The following P3H1 variants were observed in gnomAD, a reference collection of about 807,000 sequenced individuals.
The protein encoded by P3H1 is prolyl 3-hydroxylase 1.
P3H1 carries 69 observed loss-of-function variants against 84.0 expected under a neutral mutation model. The ratio of observed to expected loss-of-function variants is 0.82; its 90% CI spans 0.68 to 1.00. P3H1 has a LOEUF of 1.00. Ranked by LOEUF, P3H1 falls within the 50% of genes least tolerant of loss-of-function variation. The probability of loss-of-function intolerance (pLI) is 0.00; values close to 1 mark genes in which losing one functional copy is unlikely to be tolerated. For missense variants in P3H1, 878 were observed against 962.8 expected, an observed-to-expected ratio of 0.91 and a Z score of 1.17; for synonymous variants, 366 against 388.8, an observed-to-expected ratio of 0.94 and a Z score of 0.69.
Position 42,753,926 on chromosome 1 carries a change from C to CA in P3H1, c.1345+942dup, listed in dbSNP as rs746934383. On this transcript the variant is annotated intron_variant, in intron 8 of 14. Coordinates refer to ENST00000296388, the MANE Select transcript of P3H1 (RefSeq NM_022356.4). Reference sequence around the variant, plus strand: ...GGGCAACAGAGCAAGACTCCATCTCCAAAAAAAAAAAAAAGAAAGGCTTTG... The same window carrying CA: ...GGGCAACAGAGCAAGACTCCATCTCCAAAAAAAAAAAAAAAGAAAGGCTTTG... Among the ~76,000 whole-genome samples, 314 of 124,350 alleles carry CA rather than the reference C, an allele frequency of 2.5e-3. 1 individual carries two copies. The highest frequency in any genetic ancestry group is 4.1e-3 in the Middle Eastern group (1 of 244). The allele number at this position is 124,350 out of a possible 152,430, so 81.6% of individuals were successfully genotyped here.
intron 10 of P3H1, among the ~76,000 whole-genome samples, chr1:42,750,847 G>A (rs562147061): frequency 6.1e-5 from 9 of 147,402 alleles, no homozygotes; most frequent in South Asian, 4.4e-4. Context: ...CCGGCCAGCC[G>A]CCCTATCCAG....
rs1557558416 is a variant in P3H1, at chr1:42,747,024, G to A, written c.2056-172C>T. On this transcript the variant is annotated intron_variant, in intron 14 of 14. Coordinates refer to ENST00000296388, the MANE Select transcript of P3H1 (RefSeq NM_022356.4). ...GACAGCTGAAGTGGGGCCCAAGGAGGGAACCAAGAACTCAGCATCGCTCCC... is the reference window on the plus strand; with the variant it reads ...GACAGCTGAAGTGGGGCCCAAGGAGAGAACCAAGAACTCAGCATCGCTCCC... The A allele has an allele frequency of 1.1e-5, 17 of 1,614,152 alleles. No individual in the cohort carries two copies. The Middle Eastern group carries it at 4.9e-4, about 47-fold the overall frequency.
chr1:42,762,509 C>A, intron 1 of P3H1, 34 bp from the exon 2 acceptor site: 1 of 1,610,908 alleles, frequency 6.2e-7, no homozygotes, highest in Non-Finnish European at 8.5e-7. Flanking sequence ...GGATAATGCT[C>A]ACATCCAATC....
At chr1:42,751,704 T>TGATTGTG in intron 10 of P3H1, 1 of 170,554 alleles carries the variant, frequency 5.9e-6, no homozygotes. Flanking sequence ...CTCTTTGCCT[T>TGATTGTG]CCACCATGAT....
rs1330695622 is a variant in P3H1 at position 42,750,652 on chromosome 1, G to T, written c.1570-316C>A. 4.6e-5 allele frequency among the ~76,000 whole-genome samples: 6 copies of T among 130,356 alleles called. 2 individuals carry two copies. Among genetic ancestry groups the T allele is most frequent in the East Asian group, 4.3e-4 (2 of 4,642 alleles). The allele number at this position is 130,356 out of a possible 152,430, so 85.5% of individuals were successfully genotyped here. ...GCCACCCCGTCCGGGAGGGAGGCCG[G>T]GGGGGGTGGTCGGCCAGCCGCCCCG... On this transcript the variant is annotated intron_variant, in intron 10 of 14. Coordinates refer to ENST00000296388, the MANE Select transcript of P3H1 (RefSeq NM_022356.4).
intron 2 of P3H1, chr1:42,760,277 C>G (rs2124147348): frequency 6.6e-6 from 1 of 152,284 alleles, no homozygotes; most frequent in African/African-American, 2.4e-5. Flanking sequence ...AGCCACCGTG[C>G]CTGGCCTAGG....
In P3H1 at chr1:42,754,235, G is replaced by A. The variant is rs1376637816; in HGVS notation, c.1345+634C>T. Among the ~76,000 whole-genome samples the A allele has an allele frequency of 6.6e-6, 1 of 152,172 alleles. No homozygotes were observed. The highest frequency in any genetic ancestry group is 2.4e-5 in the African/African-American group (1 of 41,442). ...GGGTGGGTGCAGATAGGAGGTGCCA[G>A]GGCCTGAAGGAAGCCTGAGGCAATG... On this transcript the variant is annotated intron_variant, in intron 8 of 14. Coordinates refer to ENST00000296388, the MANE Select transcript of P3H1 (RefSeq NM_022356.4). The surrounding 1 kb of genome is among the most constrained non-coding windows in gnomAD (Gnocchi z 4.0).
intron 1 of P3H1, among the ~76,000 whole-genome samples, chr1:42,764,476 A>T (rs1288143929): frequency 6.6e-6 from 1 of 151,840 alleles, no homozygotes; most frequent in Non-Finnish European, 1.5e-5. Flanking sequence ...CCAGCATCAC[A>T]TCTGGGCTTA....
chr1:42,750,488 C>T, intron 10 of P3H1, 152 bp from the exon 11 acceptor site: 1 of 841,372 alleles, frequency 1.2e-6, no homozygotes, highest in East Asian at 2.6e-5. Context: ...GTGGATCTTT[C>T]CCGTGCTGTT....
chr1:42,750,152 CG>C (rs1557562103), intron 11 of P3H1, 33 bp downstream of exon 11: 2 of 1,604,068 alleles, frequency 1.2e-6, no homozygotes. Flanking sequence ...GTACAGCATG[CG>C]GGGGCGGGTG....
At position 42,752,314 on chromosome 1, in the gene P3H1, T is replaced by C. The variant is rs149894086; in HGVS notation, c.1529A>G (p.Asn510Ser). 1.7e-4 allele frequency: 276 copies of C among 1,614,108 alleles called. 2 individuals carry two copies. The African/African-American group carries it at 3.2e-3, about 19-fold the overall frequency. The change falls in exon 10 of 15, where the codon AAT becomes AGT. Residue 510 changes from asparagine to serine, a missense_variant. By Grantham distance (46) the Asn-to-Ser change is conservative. Transcript: ENST00000296388. ...GACAGTGACACCATAGAACTTTTCA[T>C]TGGGAGTATGTGGGGAGGTCTGACC... is the stretch of plus-strand genomic sequence containing the variant. The part of the protein sequence containing the change: ...YRGQTSPHTP[N>S]EKFYGVTVFK...
chr1:42,755,176 T>C lies in P3H1; in HGVS notation c.1212A>G (p.Gln404=). Residue 404 remains glutamine, a synonymous_variant, in exon 7 of 15, where the codon CAA becomes CAG. Coordinates refer to ENST00000296388, the MANE Select transcript of P3H1 (RefSeq NM_022356.4). The part of the protein sequence containing the change: ...TPEEVIPKRL[Q]EKQKSERETA... ...TTCAAGGTCCTCACTTCTGTTTCTC[T>C]TGCAATCTCTTGGGAATCACTTCTT... 6.2e-7 allele frequency: 1 copy of C among 1,614,164 alleles called. No individual in the cohort carries two copies. Among genetic ancestry groups the C allele is most frequent in the Middle Eastern group, 1.6e-4 (1 of 6,062 alleles).
rs150951532 is a variant in P3H1, at chr1:42,754,875, G to A, written c.1339C>T (p.Arg447Trp). Residue 447 changes from arginine (R) to tryptophan (W), a missense_variant, in exon 8 of 15, where the codon CGG becomes TGG. Coordinates refer to ENST00000296388, the MANE Select transcript of P3H1 (RefSeq NM_022356.4). This position sits in a 1 kb window ranked among gnomAD's most constrained non-coding sequence, Gnocchi z 4.0. ...KESLDVSRLT[R>W]EGGPLLYEGI... Reference sequence around the variant, plus strand: ...CCTATTTCTGTCCTCTCACCTTCCCGGGTCAGTCTGCTCACATCCAGTGAC... The same window carrying A: ...CCTATTTCTGTCCTCTCACCTTCCCAGGTCAGTCTGCTCACATCCAGTGAC... 267 of 1,613,990 alleles carry A rather than the reference G, an allele frequency of 1.7e-4. No homozygotes were observed. The highest frequency in any genetic ancestry group is 3.3e-4 in the Admixed American group (20 of 59,998).
At chr1:42,749,913 T>G in intron 11 of P3H1, 3 of 483,350 alleles carry the variant, frequency 6.2e-6, no homozygotes, top group East Asian at 3.9e-5. Context: ...AGCTTCCCCA[T>G]TAAAGTGCGT....
Position 42,752,258 on chromosome 1 carries a change from C to T in P3H1, c.1569+16G>A, listed in dbSNP as rs1468948979. 6.3e-7 allele frequency: 1 copy of T among 1,595,926 alleles called. No homozygotes were observed. The highest frequency in any genetic ancestry group is 8.6e-7 in the Non-Finnish European group (1 of 1,163,602). On this transcript the variant is annotated intron_variant, in intron 10 of 14. Transcript: ENST00000296388. ...CCCCTTTCTCCACACTCTAGAATGC[C>T]CAGTGTTGATCTTACCTTGAGGGCT...
At chr1:42,749,300 G>C (rs1430616653) in intron 11 of P3H1, among the ~76,000 whole-genome samples, 9 of 152,210 alleles carry the variant, frequency 5.9e-5, no homozygotes, top group Non-Finnish European at 1.2e-4. Context: ...TTCTGAGGTA[G>C]AGGAAAGCCC....
chr1:42,749,835 G>A (rs998617294), intron 11 of P3H1: 7 of 259,142 alleles, frequency 2.7e-5, no homozygotes, highest in Admixed American at 9.6e-5. Flanking sequence ...AGATGGCAGC[G>A]AGGGAGCTGC....
chr1:42,746,797 T>A lies in P3H1; in HGVS notation c.2111A>T (p.Asp704Val). The change falls in exon 15 of 15, where the codon GAC (aspartate) becomes GTC (valine). Residue 704 changes from aspartate to valine, a missense_variant. Coordinates refer to ENST00000296388, the MANE Select transcript of P3H1 (RefSeq NM_022356.4). Reference protein sequence around the residue: ...VKMLFSPEEMDLSQEQPLDAQ... With the variant: ...VKMLFSPEEMVLSQEQPLDAQ... ...ATCCAGGGGCTGCTCCTGGGAGAGGTCCATCTCTTCTGGGCTGAAGAGCAT... is the reference window on the plus strand; with the variant it reads ...ATCCAGGGGCTGCTCCTGGGAGAGGACCATCTCTTCTGGGCTGAAGAGCAT... 6.3e-7 allele frequency: 1 copy of A among 1,586,984 alleles called. No homozygotes were observed. The highest frequency in any genetic ancestry group is 2.3e-5 in the East Asian group (1 of 43,406).
chr1:42,765,257 T>C (rs1652927799), intron 1 of P3H1, among the ~76,000 whole-genome samples: 1 of 152,234 alleles, frequency 6.6e-6, no homozygotes, highest in African/African-American at 2.4e-5. Flanking sequence ...AGGAGCCTTC[T>C]TTCCTCTCCC....
Sources: gnomAD v4.1 joint callset for allele counts (sites outside exome capture counted in the v4.1 genomes callset) on GRCh38, gnomAD v4.1.1 for gene constraint, Gnocchi (gnomAD v3.1) non-coding constraint, MANE v1.5 for transcripts, NCBI Gene and HGNC (gene_info 2026-07-23, HGNC 2026-07-21) for gene names.